Variants in ZBTB20 observed in about 807,000 individuals in gnomAD.
ZBTB20 encodes the protein zinc finger and BTB domain-containing protein 20.
Under a neutral mutation model 56.9 loss-of-function variants are expected in ZBTB20, and 9 were observed. That is an observed-to-expected ratio of 0.16 (90% confidence interval 0.10 to 0.28). The LOEUF (loss-of-function observed/expected upper bound fraction) is 0.28. Among genes scored for constraint, ZBTB20 ranks in the 10% least tolerant of loss-of-function variants. The pLI is 1.00. For synonymous variants in ZBTB20, 417 were observed against 420.7 expected, an observed-to-expected ratio of 0.99 and a Z score of 0.11; for missense variants, 655 against 1,003.0, an observed-to-expected ratio of 0.65 and a Z score of 4.69.
intron 3 of ZBTB20, among the ~76,000 whole-genome samples, chr3:114,949,402 T>C (rs543975976): frequency 6.8e-6 from 1 of 146,446 alleles, no homozygotes; most frequent in African/African-American, 2.8e-5. Flanking sequence ...TTAAACAGGA[T>C]AGAAAATACT....
chr3:114,870,675 T>C (rs2075969942), intron 4 of ZBTB20, among the ~76,000 whole-genome samples: 1 of 151,560 alleles, frequency 6.6e-6, no homozygotes, highest in Non-Finnish European at 1.5e-5. Context: ...CCCCTCAATA[T>C]ATATTAAAAA....
chr3:114,760,914 G>T (rs181875811), intron 5 of ZBTB20, among the ~76,000 whole-genome samples: 54 of 152,230 alleles, frequency 3.5e-4, no homozygotes, highest in Non-Finnish European at 5.6e-4. Context: ...CCATTTTGTG[G>T]TCACACATCT....
At chr3:114,672,249 G>A (rs193076188) in intron 6 of ZBTB20, among the ~76,000 whole-genome samples, 11 of 151,796 alleles carry the variant, frequency 7.2e-5, no homozygotes, top group East Asian at 1.9e-4. Flanking sequence ...AATAAAAAAC[G>A]TAAAACCCAT....
chr3:114,811,066 G>C (rs867146060), intron 4 of ZBTB20, among the ~76,000 whole-genome samples: 54 of 152,218 alleles, frequency 3.5e-4, no homozygotes, highest in African/African-American at 1.2e-3. Context: ...GGTTAATAAT[G>C]AGTTGCTATG....
intron 3 of ZBTB20, among the ~76,000 whole-genome samples, chr3:114,902,328 C>T (rs1229864359): frequency 6.6e-6 from 1 of 152,198 alleles, no homozygotes; most frequent in African/African-American, 2.4e-5. Flanking sequence ...CTACTGCCTG[C>T]ATGGTGCTGT....
chr3:114,854,008 C>A (rs1208877060), intron 4 of ZBTB20, among the ~76,000 whole-genome samples: 5 of 152,062 alleles, frequency 3.3e-5, no homozygotes, highest in Non-Finnish European at 5.9e-5. Flanking sequence ...ACAATGAGTT[C>A]CTATTTTCTG....
intron 7 of ZBTB20, among the ~76,000 whole-genome samples, chr3:114,488,213 T>G (rs539008209): frequency 1.3e-5 from 2 of 152,316 alleles, no homozygotes; most frequent in East Asian, 3.9e-4. Context: ...GGTGTTGCCA[T>G]CAGAGCATAA....
chr3:115,116,043 G>T (rs185772504), intron 1 of ZBTB20, among the ~76,000 whole-genome samples: 1 of 151,998 alleles, frequency 6.6e-6, no homozygotes, highest in East Asian at 1.9e-4. Flanking sequence ...TTTCAAATGG[G>T]CTTGGATTAT....
At chr3:114,861,740 A>T (rs1336984778) in intron 4 of ZBTB20, 1 of 151,802 alleles carries the variant, frequency 6.6e-6, no homozygotes, top group Non-Finnish European at 1.5e-5. Context: ...ACGAAACCTC[A>T]GCCCTCCAAA....
intron 6 of ZBTB20, among the ~76,000 whole-genome samples, chr3:114,544,413 CTTTCTTTCTTTCTTT>C (rs2049499481): frequency 1.1e-4 from 1 of 8,918 alleles, no homozygotes; most frequent in African/African-American, 5.4e-4. Context: ...TTTCTTCTTT[CTTTCTTTCTTTCTTT>C]CTTTCTTTCT....
At chr3:114,902,994 C>A (rs2107676339) in intron 3 of ZBTB20, among the ~76,000 whole-genome samples, 1 of 152,248 alleles carries the variant, frequency 6.6e-6, no homozygotes. Flanking sequence ...GCCAGTGCTG[C>A]AGGATTATTC....
chr3:114,748,352 T>TCTTTTCTCTCTCTCTCTCTCTC (rs374192570), intron 5 of ZBTB20, among the ~76,000 whole-genome samples: 25 of 48,654 alleles, frequency 5.1e-4, no homozygotes, highest in African/African-American at 1.3e-3. Context: ...TTTCTTTCTT[T>TCTTTTCTCTCTCTCTCTCTCTC]TCTCTCTCTC....
At chr3:114,809,824 C>T (rs543433992) in intron 4 of ZBTB20, among the ~76,000 whole-genome samples, 3 of 152,278 alleles carry the variant, frequency 2.0e-5, no homozygotes, top group Admixed American at 1.3e-4. Context: ...ACTCTGGCTT[C>T]TGACTTTTCC....
At chr3:114,842,405 AC>A (rs2074420905) in intron 4 of ZBTB20, among the ~76,000 whole-genome samples, 1 of 152,138 alleles carries the variant, frequency 6.6e-6, no homozygotes, top group African/African-American at 2.4e-5. Context: ...CCTCATCTCT[AC>A]CTTACCCCTT....
At chr3:114,659,376 C>A (rs2060593232) in intron 6 of ZBTB20, among the ~76,000 whole-genome samples, 1 of 152,206 alleles carries the variant, frequency 6.6e-6, no homozygotes, top group South Asian at 2.1e-4. Flanking sequence ...GGAAGCCCTA[C>A]CCTTCATTAT....
At chr3:114,593,962 A>C (rs937037079) in intron 6 of ZBTB20, among the ~76,000 whole-genome samples, 7 of 152,188 alleles carry the variant, frequency 4.6e-5, no homozygotes, top group Non-Finnish European at 7.4e-5. Context: ...GGAGTAGTCA[A>C]GGCTAAAGTC....
chr3:114,351,543 T>C lies in ZBTB20; in HGVS notation c.535A>G (p.Ile179Val). 6.2e-7 allele frequency: 1 copy of C among 1,614,086 alleles called. No individual in the cohort carries two copies. The stretch of plus-strand genomic sequence containing the variant: ...TCGATGACTGTTTTGATCTGCAGGA[T>C]GCTGGCGGCCGTGAGGATCTGCAGA... ...EALQILTAAS[I>V]LQIKTVIDEC... The change falls in exon 11 of 12, where the codon ATC (isoleucine) becomes GTC (valine). Residue 179 changes from isoleucine (I) to valine (V), a missense_variant. Coordinates refer to ENST00000675478, the MANE Select transcript of ZBTB20 (RefSeq NM_001348800.3).
intron 8 of ZBTB20, chr3:114,387,406 G>A (rs9837485): frequency 0.58 from 87,715 of 151,996 alleles, 25,470 homozygotes; most frequent in East Asian, 0.72. Flanking sequence ...TTATAACCCA[G>A]TCTGTCCATT....
At chr3:114,408,810 A>G (rs1052760031) in intron 7 of ZBTB20, among the ~76,000 whole-genome samples, 2 of 152,066 alleles carry the variant, frequency 1.3e-5, no homozygotes, top group Admixed American at 1.3e-4. Flanking sequence ...GTAATACACT[A>G]AAAGAAGACA....
Sources: gnomAD v4.1 joint callset for allele counts (sites outside exome capture counted in the v4.1 genomes callset) on GRCh38, gnomAD v4.1.1 for gene constraint, MANE v1.5 for transcripts, NCBI Gene and HGNC (gene_info 2026-07-23, HGNC 2026-07-21) for gene names.